MYCBP2: variants seen among roughly 807,000 people sequenced by gnomAD.
MYCBP2 encodes E3 ubiquitin-protein ligase MYCBP2.
Under a neutral mutation model 525.3 loss-of-function variants are expected in MYCBP2, and 120 were observed. The ratio of observed to expected loss-of-function variants is 0.23; its 90% CI spans 0.20 to 0.27. The LOEUF (loss-of-function observed/expected upper bound fraction) is 0.27. Among genes scored for constraint, MYCBP2 ranks in the 10% least tolerant of loss-of-function variants. The pLI is 1.00. For missense variants in MYCBP2, 4,149 were observed against 5,657.1 expected, an observed-to-expected ratio of 0.73 and a Z score of 8.55; for synonymous variants, 1,894 against 1,955.8, an observed-to-expected ratio of 0.97 and a Z score of 0.83.
At chr13:77,110,010 A>C (rs908869644) in intron 55 of MYCBP2, 3 of 151,948 alleles carry the variant, frequency 2.0e-5, no homozygotes, top group Admixed American at 6.6e-5. Context: ...ATTGATTGTA[A>C]AACATGTGTG....
chr13:77,119,447 C>A (rs182264633), intron 55 of MYCBP2, among the ~76,000 whole-genome samples: 1 of 151,680 alleles, frequency 6.6e-6, no homozygotes, highest in African/African-American at 2.4e-5. Flanking sequence ...ACTGTGTACA[C>A]GAGCCATATA....
At position 77,199,187 on chromosome 13, in the gene MYCBP2, C is replaced by A. The variant is rs192663578; in HGVS notation, c.3844-4943G>T. On this transcript the variant is annotated intron_variant, in intron 26 of 82. Coordinates refer to ENST00000544440, the MANE Select transcript of MYCBP2 (RefSeq NM_015057.5). ...GGGAGCAGGACAGTGGGTGTGCGCA[C>A]CATGCGCGAGCTGAAGCAGGGCGAG... 2.3e-4 allele frequency among the ~76,000 whole-genome samples: 35 copies of A among 152,334 alleles called. 1 individual carries two copies. In the East Asian group the frequency reaches 4.8e-3, roughly 21 times the overall value.
intron 77 of MYCBP2, among the ~76,000 whole-genome samples, chr13:77,059,119 A>G (rs1359892446): frequency 6.6e-6 from 1 of 151,958 alleles, no homozygotes; most frequent in Non-Finnish European, 1.5e-5. Flanking sequence ...ATTCTTATTA[A>G]TTGAGAAACC....
At chr13:77,263,126 CTG>C (rs1463894857) in intron 10 of MYCBP2, among the ~76,000 whole-genome samples, 4 of 151,896 alleles carry the variant, frequency 2.6e-5, no homozygotes, top group Non-Finnish European at 4.4e-5. Flanking sequence ...CTGTGGTTAT[CTG>C]TATTTCTCTA....
intron 55 of MYCBP2, among the ~76,000 whole-genome samples, chr13:77,115,863 A>C (rs1192274125): frequency 1.3e-5 from 2 of 151,738 alleles, no homozygotes. Flanking sequence ...AAAAAGTCAA[A>C]CTATAAAAAG....
intron 28 of MYCBP2, among the ~76,000 whole-genome samples, chr13:77,191,325 A>G (rs1462446488): frequency 6.6e-6 from 1 of 152,246 alleles, no homozygotes; most frequent in Non-Finnish European, 1.5e-5. Context: ...CTCATGCACT[A>G]TCAAATTTAA....
intron 16 of MYCBP2, 148 bp downstream of exon 16, chr13:77,243,658 C>T: frequency 1.6e-6 from 1 of 623,274 alleles, no homozygotes; most frequent in Non-Finnish European, 2.5e-6. Flanking sequence ...TAAACAATGT[C>T]ATATTGTCAG....
At chr13:77,154,523 C>T (rs575238156) in intron 46 of MYCBP2, among the ~76,000 whole-genome samples, 1 of 151,344 alleles carries the variant, frequency 6.6e-6, no homozygotes, top group South Asian at 2.1e-4. Context: ...TACCAGATAT[C>T]AAAAGAGATA....
intron 79 of MYCBP2, among the ~76,000 whole-genome samples, chr13:77,056,415 G>A (rs1451137064): frequency 2.0e-5 from 3 of 152,074 alleles, no homozygotes; most frequent in Non-Finnish European, 4.4e-5. Flanking sequence ...AAAAAGGGGC[G>A]ATGAATTAAT....
Position 77,191,740 on chromosome 13 carries a change from C to G in MYCBP2, c.4009G>C (p.Val1337Leu). The G allele has an allele frequency of 2.5e-6, 4 of 1,614,078 alleles. No homozygotes were observed. Among genetic ancestry groups the G allele is most frequent in the Non-Finnish European group, 3.4e-6 (4 of 1,179,978 alleles). The stretch of plus-strand genomic sequence containing the variant: ...CCACAGTCACTGCTGGGTCCTGACA[C>G]TCGGGCCCATGCCACATACCACCAC... Reference protein sequence around the residue: ...AGWWYVAWARVSGPSSDCGSH... With the variant: ...AGWWYVAWARLSGPSSDCGSH... The change falls in exon 28 of 83, where the codon GTG becomes CTG. Residue 1337 changes from valine to leucine, a missense_variant. Around this residue, in one of 21 missense-constraint regions of MYCBP2, gnomAD observed 620 missense variants for 795.5 expected, o/e 0.78. Transcript: ENST00000544440.
chr13:77,116,927 T>G (rs1286938809), intron 55 of MYCBP2, among the ~76,000 whole-genome samples: 1 of 152,068 alleles, frequency 6.6e-6, no homozygotes, highest in East Asian at 1.9e-4. Flanking sequence ...TCTCCTTAGT[T>G]CTTTTGTCTG....
At chr13:77,172,876 A>G (rs1359480709) in intron 37 of MYCBP2, among the ~76,000 whole-genome samples, 3 of 152,250 alleles carry the variant, frequency 2.0e-5, no homozygotes, top group Non-Finnish European at 4.4e-5. Context: ...AAGTCGCAGT[A>G]GCGTAACTTA....
chr13:77,071,309 A>ACACACACACACACAC (rs755286964), intron 68 of MYCBP2, among the ~76,000 whole-genome samples: 2 of 149,144 alleles, frequency 1.3e-5, no homozygotes, highest in South Asian at 2.1e-4. Flanking sequence ...ACACACACAC[A>ACACACACACACACAC]AATCTTATCT....
intron 55 of MYCBP2, among the ~76,000 whole-genome samples, chr13:77,117,479 T>C (rs2049979056): frequency 6.6e-6 from 1 of 152,136 alleles, no homozygotes; most frequent in Non-Finnish European, 1.5e-5. Context: ...CCAGCTAGCA[T>C]TCTTTTACAT....
At chr13:77,095,281 C>T (rs1303237843) in intron 58 of MYCBP2, 77 bp downstream of exon 58, 18 of 1,534,410 alleles carry the variant, frequency 1.2e-5, no homozygotes, top group Middle Eastern at 1.9e-4. Context: ...AGGTCAAATA[C>T]CGAACTACCC....
At chr13:77,060,265 T>C (rs1218225101) in intron 76 of MYCBP2, among the ~76,000 whole-genome samples, 1 of 152,228 alleles carries the variant, frequency 6.6e-6, no homozygotes. Flanking sequence ...TATCAATATA[T>C]TGAATTCAGC....
At position 77,290,352 on chromosome 13, in the gene MYCBP2, T is replaced by C. The variant is rs1192027278; in HGVS notation, c.379-1976A>G. Among the ~76,000 whole-genome samples, 7 of 152,238 alleles carry C rather than the reference T, an allele frequency of 4.6e-5. No individual in the cohort carries two copies. The East Asian group carries it at 1.3e-3, about 29-fold the overall frequency. On this transcript the variant is annotated intron_variant, in intron 2 of 82. Coordinates refer to ENST00000544440, the MANE Select transcript of MYCBP2 (RefSeq NM_015057.5). ...TGCTTACCATATAATCCAGCAATTATGTTCTTGGACATTTACACCAGAGAA... is the reference window on the plus strand; with the variant it reads ...TGCTTACCATATAATCCAGCAATTACGTTCTTGGACATTTACACCAGAGAA...
intron 82 of MYCBP2, among the ~76,000 whole-genome samples, chr13:77,048,865 G>A (rs2036153986): frequency 6.7e-6 from 1 of 150,112 alleles, no homozygotes; most frequent in African/African-American, 2.5e-5. Flanking sequence ...GTTCTCTAAA[G>A]TGTTTCATTG....
rs1422952494 is a variant in MYCBP2 at position 77,077,227 on chromosome 13, C to T, written c.11645G>A (p.Gly3882Asp). Residue 3882 changes from glycine to aspartate, a missense_variant, in exon 67 of 83, where the codon GGC becomes GAC. Physicochemically the swap from Gly to Asp is moderately conservative, Grantham distance 94. This residue lies in a region of MYCBP2 where 509 missense variants were observed against 789.4 expected (regional missense o/e 0.64). Coordinates refer to ENST00000544440, the MANE Select transcript of MYCBP2 (RefSeq NM_015057.5). Reference protein sequence around the residue: ...WKDGESTKIAGQISASVAQQR... With the variant: ...WKDGESTKIADQISASVAQQR... ...CTGGGCCACACTGGCTGAAATCTGGCCAGCTATTTTTGTGCTTTCACCATC... is the reference window on the plus strand; with the variant it reads ...CTGGGCCACACTGGCTGAAATCTGGTCAGCTATTTTTGTGCTTTCACCATC... 4 of 1,613,890 alleles carry T rather than the reference C, an allele frequency of 2.5e-6. No homozygotes were observed. The highest frequency in any genetic ancestry group is 1.3e-5 in the African/African-American group (1 of 74,904).
Sources: allele counts gnomAD v4.1 joint callset (sites outside exome capture counted in the v4.1 genomes callset), GRCh38; gene constraint gnomAD v4.1.1; regional missense constraint gnomAD v4.1.1; transcripts MANE v1.5; gene names NCBI Gene and HGNC (gene_info 2026-07-23, HGNC 2026-07-21).